The following SATB2 variants were observed in gnomAD, a reference collection of about 807,000 sequenced individuals.
The protein encoded by SATB2 is SATB homeobox 2, also known as DNA-binding protein SATB2.
Under a neutral mutation model 73.4 loss-of-function variants are expected in SATB2, and 1 was observed. The observed-to-expected ratio is 0.01, with a 90% CI of 0.00 to 0.06. The LOEUF (loss-of-function observed/expected upper bound fraction) is 0.06. Ranked by LOEUF, SATB2 falls within the 10% of genes least tolerant of loss-of-function variation. SATB2 has a pLI of 1.00. For missense variants in SATB2, 459 were observed against 945.8 expected (o/e 0.49, Z 6.75); for synonymous variants, 397 against 367.0 (o/e 1.08, Z -0.93).
chr2:199,401,831 G>A (rs886914464), intron 3 of SATB2, among the ~76,000 whole-genome samples: 3 of 152,126 alleles, frequency 2.0e-5, no homozygotes, highest in Non-Finnish European at 2.9e-5. Context: ...GCAGATCACC[G>A]CAAGTATTTG....
At chr2:199,448,517 G>T (rs149200456) in intron 2 of SATB2, among the ~76,000 whole-genome samples, 520 of 152,256 alleles carry the variant, frequency 3.4e-3, no homozygotes, top group African/African-American at 0.012. Flanking sequence ...AGATATATGT[G>T]GTTAACGTGA....
At chr2:199,370,091 C>A (rs1327889931) in intron 5 of SATB2, among the ~76,000 whole-genome samples, 4 of 152,136 alleles carry the variant, frequency 2.6e-5, no homozygotes, top group African/African-American at 9.7e-5. Flanking sequence ...AGGATGACCA[C>A]TGGAATCCTA....
At position 199,296,732 on chromosome 2, in the gene SATB2, G is replaced by T. The variant is rs181121429; in HGVS notation, c.1740+12028C>A. On this transcript the variant is annotated intron_variant, in intron 10 of 10. Coordinates refer to ENST00000417098, the MANE Select transcript of SATB2 (RefSeq NM_001172509.2). Reference sequence around the variant, plus strand: ...CTAACAAACAAAAGAAAACAAAACAGTAGATGGAAATTCAGAGTGAAATGC... The same window carrying T: ...CTAACAAACAAAAGAAAACAAAACATTAGATGGAAATTCAGAGTGAAATGC... 2.0e-5 allele frequency among the ~76,000 whole-genome samples: 3 copies of T among 152,164 alleles called. No homozygotes were observed. The East Asian group carries it at 5.8e-4, about 29-fold the overall frequency.
At chr2:199,374,635 T>C (rs1689543716) in intron 5 of SATB2, among the ~76,000 whole-genome samples, 1 of 152,210 alleles carries the variant, frequency 6.6e-6, no homozygotes, top group South Asian at 2.1e-4. Context: ...TGGAGCACAT[T>C]GGAAGTTGCA....
intron 10 of SATB2, among the ~76,000 whole-genome samples, chr2:199,293,628 C>T (rs1396227783): frequency 6.6e-6 from 1 of 152,054 alleles, no homozygotes; most frequent in Non-Finnish European, 1.5e-5. Context: ...ATTTTCTCTA[C>T]CGTTTGTAAA....
chr2:199,269,702 A>AAT lies in SATB2; in HGVS notation c.*2508_*2509insAT, dbSNP rs1692096822. 1 of 152,052 alleles carries AAT rather than the reference A, an allele frequency of 6.6e-6. No individual in the cohort carries two copies. The allele number at this position is 152,052 out of a possible 1,614,324, so 9.4% of individuals were successfully genotyped here. A position where few individuals can be genotyped will look rare whatever the true frequency, so the allele number is the denominator to read the frequency against. ...AATTTGTTTTTTTCATTTCACAAAA[A>AAT]AAAAAAAAGGCGGGAAATTGTGCTT... On this transcript the variant is annotated 3_prime_UTR_variant, in exon 11 of 11. Transcript: ENST00000417098.
upstream of SATB2, among the ~76,000 whole-genome samples, chr2:199,462,624 G>A (rs1375767111): frequency 6.6e-6 from 1 of 152,174 alleles, no homozygotes; most frequent in African/African-American, 2.4e-5. This position sits in a 1 kb window ranked among gnomAD's most constrained non-coding sequence, Gnocchi z 5.9. Context: ...GCCAGGCAAA[G>A]ATAAATGACT....
chr2:199,453,218 A>G (rs1446864965), intron 2 of SATB2, among the ~76,000 whole-genome samples: 1 of 152,144 alleles, frequency 6.6e-6, no homozygotes, highest in African/African-American at 2.4e-5. Context: ...ATAAATTGCT[A>G]TTTGATTTGA....
At chr2:199,345,807 G>A (rs1467423404) in intron 7 of SATB2, among the ~76,000 whole-genome samples, 4 of 152,134 alleles carry the variant, frequency 2.6e-5, no homozygotes, top group Non-Finnish European at 5.9e-5. Context: ...TTAAGATGGT[G>A]GGAGCACAGC....
chr2:199,357,283 C>A (rs1471001810), intron 6 of SATB2, among the ~76,000 whole-genome samples: 1 of 152,190 alleles, frequency 6.6e-6, no homozygotes, highest in Non-Finnish European at 1.5e-5. Context: ...AAAGCTCAAC[C>A]TCAGCCTTCA....
intron 9 of SATB2, among the ~76,000 whole-genome samples, chr2:199,318,990 G>A (rs2105782703): frequency 1.3e-5 from 2 of 150,178 alleles, no homozygotes; most frequent in East Asian, 2.0e-4. Flanking sequence ...AAGTAGTTGA[G>A]AACTTGAAAC....
intron 6 of SATB2, among the ~76,000 whole-genome samples, chr2:199,357,234 G>A (rs984747372): frequency 3.9e-5 from 6 of 152,292 alleles, no homozygotes; most frequent in African/African-American, 7.2e-5. Context: ...CGTGGCACAC[G>A]TATGTGACAG....
At chr2:199,321,766 T>C (rs1211597807) in intron 9 of SATB2, among the ~76,000 whole-genome samples, 1 of 151,996 alleles carries the variant, frequency 6.6e-6, no homozygotes, top group Non-Finnish European at 1.5e-5. Flanking sequence ...TTTGGCAGTA[T>C]CATTTTTAAA....
intron 10 of SATB2, among the ~76,000 whole-genome samples, chr2:199,305,965 G>A (rs1018311231): frequency 3.3e-5 from 5 of 151,926 alleles, no homozygotes; most frequent in Non-Finnish European, 7.4e-5. Flanking sequence ...TTTAATAATG[G>A]CACATTTCCT....
Position 199,349,033 on chromosome 2 carries a change from G to A in SATB2, c.841C>T (p.Pro281Ser), listed in dbSNP as rs752392251. The A allele has an allele frequency of 6.2e-7, 1 of 1,614,132 alleles. No homozygotes were observed. The highest frequency in any genetic ancestry group is 8.5e-7 in the Non-Finnish European group (1 of 1,179,990). Residue 281 changes from proline to serine, a missense_variant, in exon 7 of 11, where the codon CCA becomes TCA. Pro to Ser is a moderately conservative substitution (Grantham distance 74). Coordinates refer to ENST00000417098, the MANE Select transcript of SATB2 (RefSeq NM_001172509.2). Reference sequence around the variant, plus strand: ...AATGCGGGCACTTGGTTTCGGATTGGAGTACTGTGGTGAATTTGGCTGTGA... The same window carrying A: ...AATGCGGGCACTTGGTTTCGGATTGAAGTACTGTGGTGAATTTGGCTGTGA... Reference protein sequence around the residue: ...SPHSQIHHSTPIRNQVPALQP... With the variant: ...SPHSQIHHSTSIRNQVPALQP...
intron 9 of SATB2, among the ~76,000 whole-genome samples, chr2:199,309,512 G>C (rs755906277): frequency 1.3e-5 from 2 of 152,150 alleles, no homozygotes; most frequent in African/African-American, 2.4e-5. Context: ...TGAATACCTC[G>C]GGCTCTAGGC....
intron 3 of SATB2, chr2:199,395,892 C>G (rs955589492): frequency 3.9e-5 from 6 of 152,164 alleles, no homozygotes; most frequent in Non-Finnish European, 8.8e-5. Context: ...AGCAAACCCA[C>G]GTAAAAGACT....
chr2:199,380,709 A>G (rs907126474), intron 4 of SATB2, among the ~76,000 whole-genome samples: 1 of 152,212 alleles, frequency 6.6e-6, no homozygotes, highest in Non-Finnish European at 1.5e-5. Flanking sequence ...TCCAAGAAAA[A>G]TAGTCATTTG....
At chr2:199,458,751 C>CCCACCCACCGCCTCCGCCCA (rs747463510), upstream of SATB2, 8 of 419,846 alleles carry the variant, frequency 1.9e-5, no homozygotes, top group East Asian at 1.1e-4. Flanking sequence ...GATCGCCTCC[C>CCCACCCACCGCCTCCGCCCA]CCACCCACCG....
Sources: gnomAD v4.1 joint callset for allele counts (sites outside exome capture counted in the v4.1 genomes callset) on GRCh38, gnomAD v4.1.1 for gene constraint, Gnocchi (gnomAD v3.1) non-coding constraint, MANE v1.5 for transcripts, NCBI Gene and HGNC (gene_info 2026-07-23, HGNC 2026-07-21) for gene names.